The following ITK variants were observed in gnomAD, a reference collection of about 807,000 sequenced individuals.
The protein encoded by ITK is IL2 inducible T cell kinase.
In ITK, 45 loss-of-function variants were observed where a neutral mutation model predicts 87.6. The observed-to-expected ratio is 0.51, with a 90% CI of 0.40 to 0.66. ITK has a LOEUF of 0.66. ITK is among the 30% of genes least tolerant of loss of function. ITK has a pLI of 0.00. For missense variants in ITK, 605 were observed against 766.3 expected (o/e 0.79, Z 2.48); for synonymous variants, 303 against 273.6 (o/e 1.11, Z -1.06).
intron 15 of ITK, 29 bp from the exon 16 acceptor site, chr5:157,248,821 C>G (rs1219718647): frequency 2.4e-5 from 39 of 1,613,724 alleles, no homozygotes; most frequent in Non-Finnish European, 3.2e-5. Context: ...CTTTGTCATT[C>G]ACTGTGCTGT....
chr5:157,203,421 G>C (rs1473645499), intron 1 of ITK, among the ~76,000 whole-genome samples: 2 of 152,216 alleles, frequency 1.3e-5, no homozygotes, highest in African/African-American at 2.4e-5. Flanking sequence ...TGGGTATATG[G>C]GAAGATGCCC....
chr5:157,228,231 A>T, intron 6 of ITK, 65 bp from the exon 7 acceptor site: 1 of 968,824 alleles, frequency 1.0e-6, no homozygotes, highest in Non-Finnish European at 1.7e-6. Context: ...TTAATGGATT[A>T]AACCTATAAA....
chr5:157,188,564 T>A (rs1753690729), intron 1 of ITK, among the ~76,000 whole-genome samples: 1 of 152,178 alleles, frequency 6.6e-6, no homozygotes, highest in Admixed American at 6.5e-5. Context: ...GGATGCAGGA[T>A]CTTTGCATTA....
In ITK at chr5:157,238,126, C is replaced by T; in HGVS notation, c.786C>T (p.Phe262=). ...LLLDTGKEGA[F]MVRDSRTAGT... The stretch of plus-strand genomic sequence containing the variant: ...CATTCCAGGGCAAAGAAGGAGCCTT[C>T]ATGGTAAGGGATTCCAGGACTGCAG... Residue 262 remains phenylalanine (F), a synonymous_variant, in exon 9 of 17, where the codon TTC becomes TTT. Transcript: ENST00000422843. The T allele has an allele frequency of 2.5e-6, 4 of 1,613,682 alleles. No homozygotes were observed. The highest frequency in any genetic ancestry group is 3.4e-6 in the Non-Finnish European group (4 of 1,179,606).
At chr5:157,237,548 A>G (rs1469627429) in intron 8 of ITK, among the ~76,000 whole-genome samples, 1 of 152,238 alleles carries the variant, frequency 6.6e-6, no homozygotes, top group Admixed American at 6.5e-5. Context: ...TAAAAGTTAT[A>G]TATTCCCATT....
Position 157,243,374 on chromosome 5 carries a change from T to C in ITK, c.1061-249T>C, listed in dbSNP as rs192757220. 4.6e-5 allele frequency among the ~76,000 whole-genome samples: 7 copies of C among 152,366 alleles called. No homozygotes were observed. In the East Asian group the frequency reaches 9.6e-4, roughly 21 times the overall value. On this transcript the variant is annotated intron_variant, in intron 11 of 16. Transcript: ENST00000422843. ...AAGAACCCTTTCTTTAATATTTTGATTAATATGGTTTCTTTAATATCTTCA... is the reference window on the plus strand; with the variant it reads ...AAGAACCCTTTCTTTAATATTTTGACTAATATGGTTTCTTTAATATCTTCA...
At chr5:157,189,344 A>T (rs1753706012) in intron 1 of ITK, among the ~76,000 whole-genome samples, 1 of 152,218 alleles carries the variant, frequency 6.6e-6, no homozygotes, top group Non-Finnish European at 1.5e-5. Context: ...TACTATAAAC[A>T]CGAGAGTTTA....
chr5:157,210,263 CA>C (rs1344268545), intron 2 of ITK, among the ~76,000 whole-genome samples: 2 of 152,148 alleles, frequency 1.3e-5, no homozygotes, highest in Non-Finnish European at 2.9e-5. Flanking sequence ...GCTTCAAAGG[CA>C]TGGATATCTC....
chr5:157,218,585 T>C (rs1018583597), intron 5 of ITK, among the ~76,000 whole-genome samples: 1 of 152,180 alleles, frequency 6.6e-6, no homozygotes, highest in African/African-American at 2.4e-5. Flanking sequence ...GTTGATATTT[T>C]ATATATTTCA....
At chr5:157,188,914 C>G (rs769354444) in intron 1 of ITK, among the ~76,000 whole-genome samples, 1 of 152,128 alleles carries the variant, frequency 6.6e-6, no homozygotes, top group Non-Finnish European at 1.5e-5. Context: ...TCCATGAGAG[C>G]AGAGATCTTG....
intron 8 of ITK, among the ~76,000 whole-genome samples, chr5:157,233,844 T>C (rs1361197860): frequency 2.7e-5 from 4 of 147,990 alleles, no homozygotes; most frequent in Admixed American, 6.8e-5. Flanking sequence ...TAAAAGATGA[T>C]TCCTGTATTA....
chr5:157,217,584 T>C (rs986645102), intron 4 of ITK, among the ~76,000 whole-genome samples: 6 of 152,142 alleles, frequency 3.9e-5, no homozygotes, highest in Non-Finnish European at 8.8e-5. Context: ...TGGCAGGCTT[T>C]TCCTGGGAAT....
chr5:157,198,945 TG>T (rs1753905306), intron 1 of ITK, among the ~76,000 whole-genome samples: 1 of 152,128 alleles, frequency 6.6e-6, no homozygotes, highest in South Asian at 2.1e-4. Context: ...AAAATTTTTT[TG>T]TAGAGACAGG....
At chr5:157,222,774 C>T (rs1754445151) in intron 5 of ITK, 89 bp from the exon 6 acceptor site, 5 of 1,277,784 alleles carry the variant, frequency 3.9e-6, no homozygotes, top group South Asian at 1.2e-5. Context: ...CAGAGGAAGG[C>T]AGACTGTCTC....
chr5:157,244,362 G>T lies in ITK; in HGVS notation c.1333G>T (p.Asp445Tyr), dbSNP rs564166795. Residue 445 changes from aspartate (D) to tyrosine (Y), a missense_variant, in exon 13 of 17, where the codon GAT (aspartate) becomes TAT (tyrosine). By Grantham distance (160) the Asp-to-Tyr change is radical (BLOSUM62 -3). Around this residue, in one of 3 missense-constraint regions of ITK, gnomAD observed 464 missense variants for 578.0 expected, o/e 0.80. Transcript: ENST00000422843. ...FEFMEHGCLSDYLRTQRGLFA... is the reference protein window; with the variant it reads ...FEFMEHGCLSYYLRTQRGLFA... ...GTTCATGGAGCACGGCTGCCTGTCA[G>T]ATTATCTACGCACCCAGCGGGGACT... The T allele has an allele frequency of 1.2e-6, 2 of 1,614,072 alleles. No homozygotes were observed. Among genetic ancestry groups the T allele is most frequent in the South Asian group, 2.2e-5 (2 of 91,068 alleles).
In ITK at chr5:157,244,311, C is replaced by A. The variant is rs150270557; in HGVS notation, c.1282C>A (p.Gln428Lys). 258 of 1,614,174 alleles carry A rather than the reference C, an allele frequency of 1.6e-4. No individual in the cohort carries two copies. The highest frequency in any genetic ancestry group is 1.3e-3 in the Middle Eastern group (8 of 6,062). ...LVQLYGVCLE[Q>K]APICLVFEFM... ...GCAGCTGTATGGGGTGTGCCTGGAGCAGGCCCCCATCTGCCTGGTGTTTGA... is the reference window on the plus strand; with the variant it reads ...GCAGCTGTATGGGGTGTGCCTGGAGAAGGCCCCCATCTGCCTGGTGTTTGA... Residue 428 changes from glutamine (Q) to lysine (K), a missense_variant, in exon 13 of 17, where the codon CAG becomes AAG. Gln to Lys is a moderately conservative substitution (Grantham distance 53, BLOSUM62 1). Transcript: ENST00000422843.
chr5:157,207,756 A>G (rs1342085307), intron 1 of ITK, among the ~76,000 whole-genome samples: 3 of 152,152 alleles, frequency 2.0e-5, no homozygotes, highest in African/African-American at 4.8e-5. Context: ...TTTGGCACCC[A>G]TACATATCTT....
chr5:157,248,707 TA>T, intron 15 of ITK, 142 bp from the exon 16 acceptor site: 2 of 915,510 alleles, frequency 2.2e-6, no homozygotes, highest in South Asian at 1.4e-5. Flanking sequence ...ACAGGCCTAA[TA>T]AGCCTCAGGT....
At position 157,254,922 on chromosome 5, in the gene ITK, AT is replaced by A. The variant is rs1755221123; in HGVS notation, c.*2250del. On this transcript the variant is annotated 3_prime_UTR_variant, in exon 17 of 17. Coordinates refer to ENST00000422843, the MANE Select transcript of ITK (RefSeq NM_005546.4). ...TCCTGCCTGGTTTTTCTCTTCTCACATTTTTTAAATGGTCCCCTGTGTTTGT... is the reference window on the plus strand; with the variant it reads ...TCCTGCCTGGTTTTTCTCTTCTCACATTTTTAAATGGTCCCCTGTGTTTGT... 2 of 214,450 alleles carry A rather than the reference AT, an allele frequency of 9.3e-6. No individual in the cohort carries two copies. Among genetic ancestry groups the A allele is most frequent in the African/African-American group, 2.3e-5 (1 of 44,162 alleles). 13.3% of individuals were successfully genotyped at this position (214,450 alleles called of 1,614,324 possible).
Sources: allele counts gnomAD v4.1 joint callset (sites outside exome capture counted in the v4.1 genomes callset), GRCh38; gene constraint gnomAD v4.1.1; regional missense constraint gnomAD v4.1.1; transcripts MANE v1.5; gene names NCBI Gene and HGNC (gene_info 2026-07-23, HGNC 2026-07-21).